Variants in PREX2 observed in about 807,000 individuals in gnomAD.
PREX2 encodes phosphatidylinositol-3,4,5-trisphosphate dependent Rac exchange factor 2.
A neutral mutation model predicts 203.2 loss-of-function variants in PREX2; 107 were observed. The ratio of observed to expected loss-of-function variants is 0.53; its 90% CI spans 0.45 to 0.62. The LOEUF is 0.62. PREX2 is among the 20% of genes least tolerant of loss of function. PREX2 has a pLI of 0.00. For synonymous variants in PREX2, 672 were observed against 663.6 expected, an observed-to-expected ratio of 1.01 and a Z score of -0.19; for missense variants, 1,777 against 1,955.9, an observed-to-expected ratio of 0.91 and a Z score of 1.72.
At chr8:68,191,375 A>T (rs1261254863) in intron 35 of PREX2, among the ~76,000 whole-genome samples, 1 of 152,206 alleles carries the variant, frequency 6.6e-6, no homozygotes, top group Admixed American at 6.5e-5. Context: ...ATAAGCACTT[A>T]TTCTGTGCTG....
chr8:68,078,246 A>G (rs1447650690), intron 15 of PREX2, among the ~76,000 whole-genome samples: 2 of 152,058 alleles, frequency 1.3e-5, no homozygotes, highest in South Asian at 4.1e-4. Flanking sequence ...GCTCACCACA[A>G]CCTTTGCCTC....
At chr8:68,215,374 T>A (rs1812813527) in intron 37 of PREX2, among the ~76,000 whole-genome samples, 1 of 152,166 alleles carries the variant, frequency 6.6e-6, no homozygotes, top group Non-Finnish European at 1.5e-5. Flanking sequence ...AAGATTTTTT[T>A]TTTCCTCCCC....
intron 35 of PREX2, among the ~76,000 whole-genome samples, chr8:68,172,457 G>A (rs1278405855): frequency 6.6e-6 from 1 of 152,176 alleles, no homozygotes; most frequent in Non-Finnish European, 1.5e-5. Flanking sequence ...AGAACATTTT[G>A]TCTGTAGGTT....
At chr8:68,219,512 T>C (rs766135708) in intron 38 of PREX2, among the ~76,000 whole-genome samples, 6 of 152,218 alleles carry the variant, frequency 3.9e-5, no homozygotes, top group Non-Finnish European at 8.8e-5. Context: ...TGTCAGTATA[T>C]ATCACTTGTT....
intron 38 of PREX2, among the ~76,000 whole-genome samples, chr8:68,220,746 C>T (rs1812937505): frequency 6.6e-6 from 1 of 152,088 alleles, no homozygotes; most frequent in Non-Finnish European, 1.5e-5. Flanking sequence ...CAAAATAGTA[C>T]CTAGTACAAA....
chr8:68,030,953 C>T (rs16934010), intron 6 of PREX2, among the ~76,000 whole-genome samples: 18,814 of 152,044 alleles, frequency 0.12, 3,522 homozygotes, highest in African/African-American at 0.41. Context: ...GTTCCTCTCT[C>T]AACTTTGGCC....
chr8:68,230,238 A>T (rs922347893), intron 39 of PREX2, among the ~76,000 whole-genome samples: 1 of 152,244 alleles, frequency 6.6e-6, no homozygotes, highest in Non-Finnish European at 1.5e-5. Context: ...GAGGAAATTT[A>T]TAATTTGCTA....
intron 35 of PREX2, among the ~76,000 whole-genome samples, chr8:68,176,617 T>A (rs994335201): frequency 6.6e-6 from 1 of 152,188 alleles, no homozygotes; most frequent in African/African-American, 2.4e-5. Context: ...GTCATGAGCA[T>A]TAGCTGAGAA....
At chr8:68,201,605 G>T (rs1254169588) in intron 37 of PREX2, among the ~76,000 whole-genome samples, 4 of 152,168 alleles carry the variant, frequency 2.6e-5, no homozygotes, top group Non-Finnish European at 5.9e-5. Context: ...TGTGCTGGCA[G>T]CTGATTGGAT....
intron 18 of PREX2, among the ~76,000 whole-genome samples, chr8:68,085,000 G>T (rs1809637954): frequency 6.6e-6 from 1 of 152,186 alleles, no homozygotes; most frequent in African/African-American, 2.4e-5. Context: ...TAGATGAGCA[G>T]AATAGCAATC....
At chr8:68,182,938 G>A (rs1812113054) in intron 35 of PREX2, among the ~76,000 whole-genome samples, 1 of 151,332 alleles carries the variant, frequency 6.6e-6, no homozygotes, top group South Asian at 2.1e-4. Flanking sequence ...GGAGGTGAGA[G>A]GGAATTCCAG....
chr8:68,158,615 A>C (rs560561255), intron 35 of PREX2, among the ~76,000 whole-genome samples: 1 of 152,284 alleles, frequency 6.6e-6, no homozygotes, highest in Admixed American at 6.5e-5. Flanking sequence ...TGTAGCATCA[A>C]GTGTGGCATC....
chr8:68,173,445 C>A (rs138634671), intron 35 of PREX2, among the ~76,000 whole-genome samples: 3 of 152,096 alleles, frequency 2.0e-5, no homozygotes, highest in Admixed American at 6.6e-5. Flanking sequence ...TTCTATGAAA[C>A]CTTGCCACCA....
At chr8:68,102,962 A>G in intron 23 of PREX2, 1 of 516,792 alleles carries the variant, frequency 1.9e-6, no homozygotes, top group Non-Finnish European at 3.9e-6. Context: ...TGGGAGGAAC[A>G]CTTTCTCCTT....
chr8:68,162,699 C>T (rs866868455), intron 35 of PREX2, among the ~76,000 whole-genome samples: 2 of 152,066 alleles, frequency 1.3e-5, no homozygotes, highest in African/African-American at 4.8e-5. Context: ...CGGACCCCTC[C>T]CAGCATGGCC....
intron 11 of PREX2, among the ~76,000 whole-genome samples, chr8:68,067,341 C>G (rs1489074987): frequency 6.6e-6 from 1 of 152,060 alleles, no homozygotes. Flanking sequence ...ATTAATTCTT[C>G]CCTTCCATGA....
chr8:68,062,593 T>C (rs374741962), intron 11 of PREX2, among the ~76,000 whole-genome samples: 1 of 152,172 alleles, frequency 6.6e-6, no homozygotes, highest in East Asian at 1.9e-4. Context: ...CAACAGTTAT[T>C]TATTAATCCC....
intron 23 of PREX2, chr8:68,105,788 TA>T: frequency 6.0e-6 from 1 of 166,684 alleles, no homozygotes; most frequent in Non-Finnish European, 1.2e-5. Flanking sequence ...CCCATAAGAT[TA>T]TACTACTACA....
At chr8:68,226,387 C>T (rs1813056856) in intron 39 of PREX2, among the ~76,000 whole-genome samples, 2 of 152,166 alleles carry the variant, frequency 1.3e-5, no homozygotes, top group South Asian at 4.1e-4. Context: ...CCAAGGAGCA[C>T]AGAGGGGCTG....
Sources: allele counts gnomAD v4.1 joint callset (sites outside exome capture counted in the v4.1 genomes callset), GRCh38; gene constraint gnomAD v4.1.1; transcripts MANE v1.5; gene names NCBI Gene and HGNC (gene_info 2026-07-23, HGNC 2026-07-21).